The following HERC3 variants were observed in gnomAD, a reference collection of about 807,000 sequenced individuals.
HERC3 encodes HECT and RLD domain containing E3 ubiquitin protein ligase 3.
In HERC3, 58 loss-of-function variants were observed where a neutral mutation model predicts 129.9. The observed-to-expected ratio is 0.45, with a 90% CI of 0.36 to 0.56. The LOEUF (loss-of-function observed/expected upper bound fraction) is 0.56. Among genes scored for constraint, HERC3 ranks in the 20% least tolerant of loss-of-function variants. The pLI is 0.00. For missense variants in HERC3, 835 were observed against 1,244.2 expected (o/e 0.67, Z 4.95); for synonymous variants, 430 against 451.0 (o/e 0.95, Z 0.59).
chr4:88,707,361 CTA>C lies in HERC3; in HGVS notation c.*404_*405del. 1 of 199,676 alleles carries C rather than the reference CTA, an allele frequency of 5.0e-6. No individual in the cohort carries two copies. The highest frequency in any genetic ancestry group is 1.0e-5 in the Non-Finnish European group (1 of 96,480). 12.4% of individuals were successfully genotyped at this position (199,676 alleles called of 1,614,324 possible). ...GTCCTTCTCTTAACTTCTCATTCCT[CTA>C]TAAGAATGATTTAGACTGACCTGTC... On this transcript the variant is annotated 3_prime_UTR_variant, in exon 26 of 26. Transcript: ENST00000402738.
chr4:88,552,785 CT>C, the HERC3 span, among the ~76,000 whole-genome samples: 2 of 152,084 alleles, frequency 1.3e-5, no homozygotes, highest in Admixed American at 1.3e-4. Flanking sequence ...TACTGGCCAC[CT>C]TTTTTGTGTG....
At chr4:88,523,936 A>G in the HERC3 span, 23 of 497,178 alleles carry the variant, frequency 4.6e-5, no homozygotes, top group Middle Eastern at 5.1e-4. Flanking sequence ...GCCTCTGGTG[A>G]GTGCCCCGCC....
chr4:88,609,906 A>G (rs990933081), intron 3 of HERC3, among the ~76,000 whole-genome samples: 5 of 152,226 alleles, frequency 3.3e-5, no homozygotes, highest in African/African-American at 1.2e-4. Flanking sequence ...TCTTGATGAT[A>G]TGCTAAACAA....
At chr4:88,523,912 G>GC in the HERC3 span, 1 of 535,790 alleles carries the variant, frequency 1.9e-6, no homozygotes, top group East Asian at 3.4e-5. Context: ...CCGGAGGACA[G>GC]CCCCAGGGCA....
chr4:88,557,620 A>G, the HERC3 span, among the ~76,000 whole-genome samples: 1 of 152,160 alleles, frequency 6.6e-6, no homozygotes, highest in Non-Finnish European at 1.5e-5. Flanking sequence ...TAGTCTCATT[A>G]TATAAAGAAT....
the HERC3 span, among the ~76,000 whole-genome samples, chr4:88,576,003 G>A: frequency 3.3e-5 from 5 of 152,084 alleles, no homozygotes; most frequent in Non-Finnish European, 7.3e-5. Context: ...TTCCTCAATC[G>A]TTTTGACCTT....
Position 88,668,177 on chromosome 4 carries a change from TGTTGCCATTTAATATCCTTAACACTTA to T in HERC3, c.1633+97_1633+123del. 3.0e-6 allele frequency: 3 copies of T among 1,007,896 alleles called. No individual in the cohort carries two copies. In the South Asian group the frequency reaches 4.2e-5, roughly 14 times the overall value. 62.4% of individuals were successfully genotyped at this position (1,007,896 alleles called of 1,614,324 possible). A position where few individuals can be genotyped will look rare whatever the true frequency, so the allele number is the denominator to read the frequency against. ...GTGGATTGAGATCCAAGAATCTATT[TGTTGCCATTTAATATCCTTAACACTTA>T]AAACCTTTTTTTCTTTGCTGTTAAT... is the stretch of plus-strand genomic sequence containing the variant. On this transcript the variant is annotated intron_variant, in intron 14 of 25. Coordinates refer to ENST00000402738, the MANE Select transcript of HERC3 (RefSeq NM_014606.3).
At chr4:88,600,691 G>A (rs1009399011) in intron 2 of HERC3, among the ~76,000 whole-genome samples, 19 of 152,078 alleles carry the variant, frequency 1.2e-4, no homozygotes, top group African/African-American at 4.3e-4. Context: ...CTCTCTCCAG[G>A]GGAGGCCTCA....
chr4:88,624,251 G>T (rs72882948), intron 3 of HERC3, among the ~76,000 whole-genome samples: 8,165 of 152,252 alleles, frequency 0.054, 484 homozygotes, highest in African/African-American at 0.15. Context: ...TGTTTGTGTA[G>T]ACATATGTTT....
chr4:88,583,178 C>A, the HERC3 span, among the ~76,000 whole-genome samples: 1,344 of 152,220 alleles, frequency 8.8e-3, 18 homozygotes, highest in African/African-American at 0.03. Flanking sequence ...TGGCTCGCAC[C>A]TGTAATCTCA....
At chr4:88,670,608 G>C (rs906595680) in intron 16 of HERC3, among the ~76,000 whole-genome samples, 2 of 152,156 alleles carry the variant, frequency 1.3e-5, no homozygotes, top group Non-Finnish European at 2.9e-5. Context: ...AGTTTTGCAA[G>C]ATAAGAAAGT....
At chr4:88,678,269 T>A (rs2149312845) in intron 19 of HERC3, 135 bp downstream of exon 19, 1 of 717,146 alleles carries the variant, frequency 1.4e-6, no homozygotes, top group Admixed American at 2.7e-5. Context: ...TTTAATCACC[T>A]ACTTTTGTCA....
the HERC3 span, among the ~76,000 whole-genome samples, chr4:88,539,508 A>G: frequency 6.6e-6 from 1 of 152,220 alleles, no homozygotes; most frequent in East Asian, 1.9e-4. Flanking sequence ...GCTGAACAAA[A>G]GGCAGCAGAC....
chr4:88,681,727 G>T (rs925872249), intron 21 of HERC3, among the ~76,000 whole-genome samples: 3 of 152,086 alleles, frequency 2.0e-5, no homozygotes, highest in Admixed American at 2.0e-4. Context: ...CATATTTTGG[G>T]GGTACATGTG....
the HERC3 span, among the ~76,000 whole-genome samples, chr4:88,578,293 TG>T: frequency 6.6e-6 from 1 of 152,092 alleles, no homozygotes; most frequent in African/African-American, 2.4e-5. Context: ...AAGAAGTAGT[TG>T]TAACTGGCTG....
intron 3 of HERC3, among the ~76,000 whole-genome samples, chr4:88,645,705 G>A (rs1036853192): frequency 6.6e-6 from 1 of 152,098 alleles, no homozygotes; most frequent in Non-Finnish European, 1.5e-5. Context: ...CAGGTAGAGC[G>A]GGACAGTGAG....
the HERC3 span, among the ~76,000 whole-genome samples, chr4:88,540,655 A>G: frequency 6.6e-6 from 1 of 152,192 alleles, no homozygotes; most frequent in Non-Finnish European, 1.5e-5. Context: ...CAGATTCACC[A>G]AGGTTGAAAT....
intron 23 of HERC3, chr4:88,693,311 A>C (rs1384638240): frequency 1.0e-6 from 1 of 967,492 alleles, no homozygotes; most frequent in Non-Finnish European, 1.2e-6. Context: ...AAATGGAATT[A>C]AAATGTATAA....
chr4:88,704,338 G>GAACACCTCCC, intron 24 of HERC3, 57 bp downstream of exon 24: 2 of 1,562,092 alleles, frequency 1.3e-6, no homozygotes, highest in Non-Finnish European at 8.8e-7. Context: ...AGCAGCCTGG[G>GAACACCTCCC]GAGGTGTTCC....
Sources: allele counts gnomAD v4.1 joint callset (sites outside exome capture counted in the v4.1 genomes callset), GRCh38; gene constraint gnomAD v4.1.1; transcripts MANE v1.5; gene names NCBI Gene and HGNC (gene_info 2026-07-23, HGNC 2026-07-21).